The following RGPD2 variants were observed in gnomAD, a reference collection of about 807,000 sequenced individuals.
RGPD2 encodes the protein RANBP2 like and GRIP domain containing 2.
In RGPD2, 2 loss-of-function variants were observed where a neutral mutation model predicts 36.0. The observed-to-expected ratio is 0.06, with a 90% CI of 0.02 to 0.17. The LOEUF (loss-of-function observed/expected upper bound fraction) is 0.17. RGPD2 is among the 10% of genes least tolerant of loss of function. The pLI is 1.00. For missense variants in RGPD2, 40 were observed against 464.3 expected (o/e 0.09, Z 8.40); for synonymous variants, 19 against 163.8 (o/e 0.12, Z 6.75).
the RGPD2 span, among the ~76,000 whole-genome samples, chr2:87,876,989 T>C: frequency 2.0e-5 from 3 of 152,296 alleles, no homozygotes; most frequent in African/African-American, 7.2e-5. Flanking sequence ...TCTTTCTTGA[T>C]TTAACATCTG....
At chr2:87,969,057 A>AT in the RGPD2 span, 1,115 of 125,492 alleles carry the variant, frequency 8.9e-3, 10 homozygotes, top group African/African-American at 0.021. Context: ...GAAAGTGAGA[A>AT]TTTTTTTTTT....
the RGPD2 span, among the ~76,000 whole-genome samples, chr2:87,877,804 C>CAAAAAAAAAAAAAAAAAA: frequency 5.0e-4 from 42 of 84,384 alleles, no homozygotes; most frequent in Non-Finnish European, 5.9e-4. Context: ...GACTCCGTCT[C>CAAAAAAAAAAAAAAAAAA]AAAAAAAAAA....
At chr2:87,870,510 A>G in the RGPD2 span, among the ~76,000 whole-genome samples, 159 of 152,292 alleles carry the variant, frequency 1.0e-3, no homozygotes, top group African/African-American at 3.7e-3. Context: ...AGAAACCCCC[A>G]TAAAGACTCT....
chr2:87,769,883 A>C (rs1249288088), intron 22 of RGPD2, among the ~76,000 whole-genome samples: 1 of 152,196 alleles, frequency 6.6e-6, no homozygotes, highest in African/African-American at 2.4e-5. Context: ...AATTAAAGAC[A>C]GTGAACTTGT....
the RGPD2 span, among the ~76,000 whole-genome samples, chr2:87,944,772 G>T: frequency 8.2e-6 from 1 of 121,344 alleles, no homozygotes; most frequent in South Asian, 2.6e-4. Context: ...TATGTAATTG[G>T]TTTATTATTA....
the RGPD2 span, among the ~76,000 whole-genome samples, chr2:87,940,294 T>C: frequency 7.9e-5 from 12 of 151,828 alleles, no homozygotes; most frequent in African/African-American, 2.9e-4. Context: ...TCCTGTGTAG[T>C]ATTAGGAACT....
At chr2:87,962,754 G>A in the RGPD2 span, among the ~76,000 whole-genome samples, 1 of 152,060 alleles carries the variant, frequency 6.6e-6, no homozygotes, top group South Asian at 2.1e-4. Context: ...AGGAGTTGGA[G>A]ACTGCAATGA....
chr2:87,885,583 ACT>A, the RGPD2 span, among the ~76,000 whole-genome samples: 1 of 149,988 alleles, frequency 6.7e-6, no homozygotes, highest in Non-Finnish European at 1.5e-5. Flanking sequence ...TTGCAACCAC[ACT>A]GTTTTAATTG....
At chr2:87,972,924 A>G in the RGPD2 span, 1 of 1,613,758 alleles carries the variant, frequency 6.2e-7, no homozygotes, top group South Asian at 1.1e-5. Context: ...CAGCAGCGGC[A>G]GCGTGAAATC....
intron 1 of RGPD2, chr2:87,824,862 G>GGCCGCCGCCGCC (rs533529835): frequency 2.7e-5 from 1 of 37,476 alleles, no homozygotes; most frequent in Non-Finnish European, 5.4e-5. Context: ...CCGAGGCCGA[G>GGCCGCCGCCGCC]GCCGCCGCCG....
At chr2:87,919,673 C>T in the RGPD2 span, among the ~76,000 whole-genome samples, 14 of 141,760 alleles carry the variant, frequency 9.9e-5, no homozygotes, top group African/African-American at 1.4e-4. Context: ...GTTTTTGTAG[C>T]ATATATAATA....
rs1309736600 is a variant in RGPD2, at chr2:87,757,149, GT to G, written c.*242del. On this transcript the variant is annotated 3_prime_UTR_variant, in exon 23 of 23. Transcript: ENST00000398146. ...TATGTAATCGTTGTTATACTGTATTGTTTTTATTTGTATTATGTTTTATTGT... is the reference window on the plus strand; with the variant it reads ...TATGTAATCGTTGTTATACTGTATTGTTTTATTTGTATTATGTTTTATTGT... The G allele has an allele frequency of 3.9e-4, 75 of 192,494 alleles. No individual in the cohort carries two copies. Among genetic ancestry groups the G allele is most frequent in the African/African-American group, 2.1e-3 (73 of 34,840 alleles). The allele number at this position is 192,494 out of a possible 1,614,324, so 11.9% of individuals were successfully genotyped here.
the RGPD2 span, among the ~76,000 whole-genome samples, chr2:87,983,827 G>T: frequency 1.3e-5 from 2 of 152,004 alleles, no homozygotes; most frequent in Non-Finnish European, 2.9e-5. Flanking sequence ...GCAGAAACAT[G>T]CTGGCAGTGC....
the RGPD2 span, among the ~76,000 whole-genome samples, chr2:87,918,333 T>C: frequency 6.8e-6 from 1 of 147,650 alleles, no homozygotes; most frequent in African/African-American, 2.6e-5. Context: ...CTAGTTTAAG[T>C]CATACAACAG....
At chr2:87,887,144 G>A in the RGPD2 span, among the ~76,000 whole-genome samples, 4 of 151,590 alleles carry the variant, frequency 2.6e-5, no homozygotes, top group African/African-American at 9.7e-5. Context: ...AGTTTTCCAA[G>A]CAAAAGGCCA....
chr2:87,972,707 C>G, the RGPD2 span: 1 of 1,601,188 alleles, frequency 6.2e-7, no homozygotes, highest in South Asian at 1.1e-5. Context: ...GGGGGCACTT[C>G]GGGCGCCGCA....
intron 22 of RGPD2, among the ~76,000 whole-genome samples, chr2:87,769,546 G>A (rs1190005172): frequency 6.7e-6 from 1 of 150,180 alleles, no homozygotes; most frequent in South Asian, 2.2e-4. Flanking sequence ...GTCTCTTTTA[G>A]AACTTCTAAA....
chr2:87,887,163 T>C, the RGPD2 span, among the ~76,000 whole-genome samples: 4 of 152,078 alleles, frequency 2.6e-5, no homozygotes, highest in East Asian at 5.8e-4. Flanking sequence ...CAAGACTGTG[T>C]GCTTTGCTTA....
At chr2:87,830,151 T>C (rs1246496798), upstream of RGPD2, among the ~76,000 whole-genome samples, 2 of 151,444 alleles carry the variant, frequency 1.3e-5, no homozygotes, top group African/African-American at 4.9e-5. Flanking sequence ...CTCCTTTGAC[T>C]GAAGGTCCCA....
Sources: gnomAD v4.1 joint callset for allele counts (sites outside exome capture counted in the v4.1 genomes callset) on GRCh38, gnomAD v4.1.1 for gene constraint, MANE v1.5 for transcripts, NCBI Gene and HGNC (gene_info 2026-07-23, HGNC 2026-07-21) for gene names.